Variants in DNAH10 observed in about 807,000 individuals in gnomAD.
The protein encoded by DNAH10 is axonemal beta dynein heavy chain 10.
Under a neutral mutation model 506.6 loss-of-function variants are expected in DNAH10, and 348 were observed. The observed-to-expected ratio is 0.69, with a 90% CI of 0.63 to 0.75. DNAH10 has a LOEUF of 0.75. Among genes scored for constraint, DNAH10 ranks in the 30% least tolerant of loss-of-function variants. The probability of loss-of-function intolerance (pLI) is 0.00; values close to 1 mark genes in which losing one functional copy is unlikely to be tolerated. For synonymous variants in DNAH10, 2,059 were observed against 2,198.6 expected (o/e 0.94, Z 1.78); for missense variants, 5,179 against 5,787.1 (o/e 0.89, Z 3.41).
In DNAH10 at chr12:123,853,391, GC is replaced by G; in HGVS notation, c.6438+40del. On this transcript the variant is annotated intron_variant, in intron 36 of 78. Coordinates refer to ENST00000673944, the MANE Select transcript of DNAH10 (RefSeq NM_001372106.1). This position sits in a 1 kb window ranked among gnomAD's most constrained non-coding sequence, Gnocchi z 4.7. The stretch of plus-strand genomic sequence containing the variant: ...GCTGGAACATTCTCTGGTTTCAGCT[GC>G]TTCAGGCATTTACTACGTGCCATTG... 1 of 1,593,012 alleles carries G rather than the reference GC, an allele frequency of 6.3e-7. No individual in the cohort carries two copies. Among genetic ancestry groups the G allele is most frequent in the Middle Eastern group, 1.7e-4 (1 of 5,944 alleles).
chr12:123,856,995 C>T (rs1951418518), intron 36 of DNAH10, 61 bp from the exon 37 acceptor site: 1 of 1,381,056 alleles, frequency 7.2e-7, no homozygotes, highest in Non-Finnish European at 9.7e-7. Flanking sequence ...GTTGGAAACA[C>T]AGTCCAAAGC....
At chr12:123,878,770 G>A (rs1050510297) in intron 48 of DNAH10, among the ~76,000 whole-genome samples, 1 of 152,100 alleles carries the variant, frequency 6.6e-6, no homozygotes, top group African/African-American at 2.4e-5. Flanking sequence ...GTGGTGGTAT[G>A]TACCTGTAGT....
At chr12:123,880,654 C>T (rs1278560163) in intron 50 of DNAH10, among the ~76,000 whole-genome samples, 2 of 147,448 alleles carry the variant, frequency 1.4e-5, no homozygotes, top group African/African-American at 2.5e-5. Flanking sequence ...TTTAAATTCT[C>T]TTTTTTTTTT....
chr12:123,821,395 A>T (rs781126724), intron 24 of DNAH10, among the ~76,000 whole-genome samples: 1 of 152,240 alleles, frequency 6.6e-6, no homozygotes, highest in Non-Finnish European at 1.5e-5. Flanking sequence ...CAGTGGTGTG[A>T]TAATAACTCA....
rs764854217 is a variant in DNAH10, at chr12:123,853,227, G to A, written c.6313G>A (p.Val2105Ile). 23 of 1,607,252 alleles carry A rather than the reference G, an allele frequency of 1.4e-5. No homozygotes were observed. Among genetic ancestry groups the A allele is most frequent in the South Asian group, 2.2e-5 (2 of 89,802 alleles). The change falls in exon 36 of 79, where the codon GTT becomes ATT. Residue 2105 changes from valine (V) to isoleucine (I), a missense_variant. By Grantham distance (29) the Val-to-Ile change is conservative. Transcript: ENST00000673944. The surrounding 1 kb of genome is among the most constrained non-coding windows in gnomAD (Gnocchi z 4.7). ...AAAGACTCTGGCGAAAAAGATGACGGTTCTGTATAAGCTGGCCCGGGAGCA... is the reference window on the plus strand; with the variant it reads ...AAAGACTCTGGCGAAAAAGATGACGATTCTGTATAAGCTGGCCCGGGAGCA... Reference protein sequence around the residue: ...EAKTLAKKMTVLYKLAREQLS... With the variant: ...EAKTLAKKMTILYKLAREQLS...
rs979868924 is a variant in DNAH10 at position 123,785,793 on chromosome 12, C to T, written c.1278C>T (p.Pro426=). ...SGFHVVLDTI[P]AMMSALRMVW... is the part of the protein sequence containing the mutation. ...TCCACGTGGTCCTGGACACCATCCC[C>T]GCCATGATGAGTGCCCTGCGGATGG... is the stretch of plus-strand genomic sequence containing the variant. Residue 426 remains proline, a synonymous_variant, in exon 9 of 79, where the codon CCC becomes CCT. Transcript: ENST00000673944. This position sits in a 1 kb window ranked among gnomAD's most constrained non-coding sequence, Gnocchi z 4.1. 21 of 1,614,102 alleles carry T rather than the reference C, an allele frequency of 1.3e-5. No homozygotes were observed. Among genetic ancestry groups the T allele is most frequent in the East Asian group, 4.5e-5 (2 of 44,884 alleles).
In DNAH10 at chr12:123,868,117, C is replaced by T; in HGVS notation, c.7517C>T (p.Pro2506Leu). 1 of 1,612,224 alleles carries T rather than the reference C, an allele frequency of 6.2e-7. No homozygotes were observed. The highest frequency in any genetic ancestry group is 8.5e-7 in the Non-Finnish European group (1 of 1,179,568). ...EGVWANPGEL[P>L]GQLPTLYDFH... ...GTTTGGGCCAACCCTGGGGAACTGC[C>T]AGGTGGGAACCGAGTGTCGCCTGTT... is the stretch of plus-strand genomic sequence containing the variant. Residue 2506 changes from proline to leucine, a missense_variant and splice_region_variant, in exon 43 of 79, where the codon CCA becomes CTA. This residue lies in a region of DNAH10 where 4,844 missense variants were observed against 5,430.5 expected (regional missense o/e 0.89). Coordinates refer to ENST00000673944, the MANE Select transcript of DNAH10 (RefSeq NM_001372106.1).
chr12:123,866,390 C>T (rs1951811274), intron 41 of DNAH10, among the ~76,000 whole-genome samples: 1 of 151,494 alleles, frequency 6.6e-6, no homozygotes, highest in African/African-American at 2.4e-5. Flanking sequence ...ACTACAGGCG[C>T]CCGCCACCAC....
At chr12:123,789,406 C>T (rs1232967821) in intron 10 of DNAH10, among the ~76,000 whole-genome samples, 1 of 151,060 alleles carries the variant, frequency 6.6e-6, no homozygotes, top group African/African-American at 2.4e-5. Flanking sequence ...GCATGTGAGA[C>T]AGAGTCTCGC....
chr12:123,826,300 G>C (rs138187442), intron 24 of DNAH10, among the ~76,000 whole-genome samples: 1 of 152,192 alleles, frequency 6.6e-6, no homozygotes, highest in Non-Finnish European at 1.5e-5. Flanking sequence ...TGTAACCTTA[G>C]CTGCTTTCAT....
At chr12:123,828,160 C>A (rs1340291569) in intron 25 of DNAH10, among the ~76,000 whole-genome samples, 1 of 151,100 alleles carries the variant, frequency 6.6e-6, no homozygotes, top group Non-Finnish European at 1.5e-5. Flanking sequence ...AAAGCTCTTG[C>A]CAGAAATAGA....
chr12:123,931,587 G>T, intron 74 of DNAH10, 49 bp from the exon 75 acceptor site: 2 of 1,609,288 alleles, frequency 1.2e-6, no homozygotes, highest in Non-Finnish European at 1.7e-6. Flanking sequence ...GGAGGCTCCG[G>T]TTCTGCACGT....
chr12:123,867,341 C>T (rs1951850593), intron 41 of DNAH10, 126 bp from the exon 42 acceptor site: 2 of 1,060,302 alleles, frequency 1.9e-6, no homozygotes, highest in South Asian at 1.7e-5. Flanking sequence ...AGGATTTCCT[C>T]ACCTGCCAAA....
intron 1 of DNAH10, among the ~76,000 whole-genome samples, chr12:123,766,287 G>GCCTACGTACCTACCTA (rs1555302428): frequency 6.6e-6 from 1 of 150,486 alleles, no homozygotes; most frequent in African/African-American, 2.5e-5. Context: ...CAATTAATCA[G>GCCTACGTACCTACCTA]CCTACCTACC....
At chr12:123,868,562 C>T (rs1405152254) in intron 43 of DNAH10, among the ~76,000 whole-genome samples, 1 of 152,170 alleles carries the variant, frequency 6.6e-6, no homozygotes, top group African/African-American at 2.4e-5. Context: ...ATTTGTAAAT[C>T]GTTCATAGGA....
chr12:123,838,909 C>T (rs1373783673), intron 29 of DNAH10, among the ~76,000 whole-genome samples: 1 of 152,182 alleles, frequency 6.6e-6, no homozygotes, highest in African/African-American at 2.4e-5. Flanking sequence ...ACCTCCCCGA[C>T]TCAAGTGATC....
In DNAH10 at chr12:123,787,033, G is replaced by A. The variant is rs998731282; in HGVS notation, c.1422-771G>A. ...GGGCGCCTGTAATCCCAGCCACTCA[G>A]GAGGCTGAGGCAGGAGAATCGCTTG... On this transcript the variant is annotated intron_variant, in intron 9 of 78. Transcript: ENST00000673944. This position sits in a 1 kb window ranked among gnomAD's most constrained non-coding sequence, Gnocchi z 4.6. Among the ~76,000 whole-genome samples the A allele has an allele frequency of 6.6e-6, 1 of 152,128 alleles. No homozygotes were observed. Among genetic ancestry groups the A allele is most frequent in the Non-Finnish European group, 1.5e-5 (1 of 68,030 alleles).
At chr12:123,791,255 A>C (rs990725214) in intron 11 of DNAH10, among the ~76,000 whole-genome samples, 20 of 152,194 alleles carry the variant, frequency 1.3e-4, no homozygotes, top group African/African-American at 4.3e-4. Flanking sequence ...ATGATACAGG[A>C]GGTGATAGCC....
At position 123,848,804 on chromosome 12, in the gene DNAH10, T is replaced by C. The variant is rs34376881; in HGVS notation, c.6024T>C (p.Asp2008=). The C allele has an allele frequency of 2.1e-3, 3,363 of 1,613,952 alleles. 8 individuals carry two copies. Among genetic ancestry groups the C allele is most frequent in the Middle Eastern group, 3.5e-3 (21 of 6,062 alleles). ...WGCFDEFNRI[D]ASVLSVISSQ... Reference sequence around the variant, plus strand: ...GCTTTGATGAGTTTAATCGAATCGATGCTTCTGTGCTCTCCGTGATCTCCT... The same window carrying C: ...GCTTTGATGAGTTTAATCGAATCGACGCTTCTGTGCTCTCCGTGATCTCCT... Residue 2008 remains aspartate, a synonymous_variant, in exon 34 of 79, where the codon GAT becomes GAC. Transcript: ENST00000673944.
Sources: gnomAD v4.1 joint callset for allele counts (sites outside exome capture counted in the v4.1 genomes callset) on GRCh38, gnomAD v4.1.1 for gene constraint, gnomAD v4.1.1 regional missense constraint, Gnocchi (gnomAD v3.1) non-coding constraint, MANE v1.5 for transcripts, NCBI Gene and HGNC (gene_info 2026-07-23, HGNC 2026-07-21) for gene names.